ZRANB3: variants seen among roughly 807,000 people sequenced by gnomAD.
ZRANB3 encodes zinc finger RANBP2-type containing 3.
In ZRANB3, 125 loss-of-function variants were observed where a neutral mutation model predicts 133.8. The observed-to-expected ratio is 0.93, with a 90% CI of 0.81 to 1.08. ZRANB3 has a LOEUF of 1.08. ZRANB3 is among the 50% of genes least tolerant of loss of function. The probability of loss-of-function intolerance (pLI) is 0.00; values close to 1 mark genes in which losing one functional copy is unlikely to be tolerated. For missense variants in ZRANB3, 1,229 were observed against 1,275.5 expected, an observed-to-expected ratio of 0.96 and a Z score of 0.56; for synonymous variants, 387 against 432.7, an observed-to-expected ratio of 0.89 and a Z score of 1.31.
At chr2:135,332,663 A>C (rs1684201678) in intron 6 of ZRANB3, among the ~76,000 whole-genome samples, 1 of 152,104 alleles carries the variant, frequency 6.6e-6, no homozygotes. Context: ...CTATGGTTAC[A>C]ACCAGGTCCT....
intron 2 of ZRANB3, among the ~76,000 whole-genome samples, chr2:135,442,649 G>C (rs1458038660): frequency 2.0e-5 from 3 of 152,134 alleles, no homozygotes; most frequent in Non-Finnish European, 4.4e-5. Context: ...GATTCCTCAA[G>C]GATCTAGAAC....
At chr2:135,435,773 C>T (rs1281722902) in intron 2 of ZRANB3, among the ~76,000 whole-genome samples, 2 of 152,072 alleles carry the variant, frequency 1.3e-5, no homozygotes, top group African/African-American at 4.8e-5. Flanking sequence ...GCTTGTTGGC[C>T]GTACGTATGT....
At chr2:135,457,577 A>G (rs1690585658) in intron 2 of ZRANB3, among the ~76,000 whole-genome samples, 1 of 152,006 alleles carries the variant, frequency 6.6e-6, no homozygotes, top group African/African-American at 2.4e-5. Flanking sequence ...ATGAATGTCT[A>G]TTCATATTTT....
Position 135,198,899 on chromosome 2 carries a change from C to T in ZRANB3, c.*1443G>A, listed in dbSNP as rs1416027464. On this transcript the variant is annotated 3_prime_UTR_variant, in exon 21 of 21. Transcript: ENST00000264159. The stretch of plus-strand genomic sequence containing the variant: ...AAAACAAGTCCTTTATGTTGTAAAA[C>T]ACTAGCTATTAATTAACGTGGGAAA... 1.3e-5 allele frequency: 2 copies of T among 152,186 alleles called. No individual in the cohort carries two copies. Among genetic ancestry groups the T allele is most frequent in the Non-Finnish European group, 2.9e-5 (2 of 68,032 alleles). The allele number at this position is 152,186 out of a possible 1,614,324, so 9.4% of individuals were successfully genotyped here.
intron 3 of ZRANB3, among the ~76,000 whole-genome samples, chr2:135,384,436 T>G (rs1178618815): frequency 6.6e-6 from 1 of 152,176 alleles, no homozygotes; most frequent in African/African-American, 2.4e-5. Flanking sequence ...CTGGTACCAT[T>G]CCTTCTGAAA....
rs543794545 is a variant in ZRANB3, at chr2:135,430,623, A to C, written c.162-39803T>G. Among the ~76,000 whole-genome samples, 124 of 152,278 alleles carry C rather than the reference A, an allele frequency of 8.1e-4. 1 individual carries two copies. The highest frequency in any genetic ancestry group is 2.6e-3 in the African/African-American group (110 of 41,550). On this transcript the variant is annotated intron_variant, in intron 2 of 20. Coordinates refer to ENST00000264159, the MANE Select transcript of ZRANB3 (RefSeq NM_032143.4). ...TTACAGATAGAAATATTTCAGCTCT[A>C]AGTAGAGTTTTCTCAATATAAGACT...
chr2:135,463,577 C>T (rs1262057516), intron 2 of ZRANB3, among the ~76,000 whole-genome samples: 1 of 152,016 alleles, frequency 6.6e-6, no homozygotes, highest in Non-Finnish European at 1.5e-5. Flanking sequence ...GCCACCACGC[C>T]CGGCTAATTT....
At chr2:135,246,742 G>A (rs1695819423) in intron 12 of ZRANB3, among the ~76,000 whole-genome samples, 2 of 152,136 alleles carry the variant, frequency 1.3e-5, no homozygotes, top group African/African-American at 4.8e-5. Context: ...GTTCAATATT[G>A]TTTTTGAAAA....
intron 3 of ZRANB3, among the ~76,000 whole-genome samples, chr2:135,387,539 T>C (rs553280848): frequency 6.6e-6 from 1 of 152,244 alleles, no homozygotes; most frequent in Non-Finnish European, 1.5e-5. Flanking sequence ...ACGTCTTGTA[T>C]GTCATTCTGT....
chr2:135,299,761 T>C (rs921538221), intron 8 of ZRANB3, among the ~76,000 whole-genome samples: 11 of 152,228 alleles, frequency 7.2e-5, no homozygotes, highest in Non-Finnish European at 1.0e-4. Flanking sequence ...TAAATGTTTA[T>C]ATAGCACATA....
chr2:135,399,928 A>C (rs1687663065), intron 2 of ZRANB3, among the ~76,000 whole-genome samples: 1 of 152,088 alleles, frequency 6.6e-6, no homozygotes, highest in Non-Finnish European at 1.5e-5. Flanking sequence ...TGAACTTAGG[A>C]CTTTGAATTT....
chr2:135,346,962 C>A (rs1265355019), intron 5 of ZRANB3, among the ~76,000 whole-genome samples: 4 of 152,168 alleles, frequency 2.6e-5, no homozygotes, highest in Non-Finnish European at 5.9e-5. Context: ...CTCTTCCAAT[C>A]CTGCCAACTA....
intron 2 of ZRANB3, among the ~76,000 whole-genome samples, chr2:135,478,148 T>C (rs943800158): frequency 6.6e-6 from 1 of 152,166 alleles, no homozygotes; most frequent in African/African-American, 2.4e-5. Context: ...ATAGTGTCTA[T>C]GCTTAAAAAT....
In ZRANB3 at chr2:135,313,608, A is replaced by C. The variant is rs1258845324; in HGVS notation, c.850-3T>G. 3 of 1,592,784 alleles carry C rather than the reference A, an allele frequency of 1.9e-6. No individual in the cohort carries two copies. Among genetic ancestry groups the C allele is most frequent in the Non-Finnish European group, 2.6e-6 (3 of 1,162,066 alleles). On this transcript the variant is annotated splice_region_variant and splice_polypyrimidine_tract_variant and intron_variant, in intron 7 of 20. Transcript: ENST00000264159. ...TCTTCAAAGCTGGTATTCAATTCCT[A>C]TGTGGGAAAAAATAACACTGTTTAT... is the stretch of plus-strand genomic sequence containing the variant.
At chr2:135,370,221 T>C (rs1686114196) in intron 3 of ZRANB3, among the ~76,000 whole-genome samples, 1 of 151,862 alleles carries the variant, frequency 6.6e-6, no homozygotes. Context: ...ACAGGTAGTG[T>C]TTGGTTATAT....
chr2:135,408,995 C>T (rs550008181), intron 2 of ZRANB3, among the ~76,000 whole-genome samples: 4 of 151,878 alleles, frequency 2.6e-5, no homozygotes, highest in Admixed American at 1.3e-4. Flanking sequence ...AAAGAAATGC[C>T]TGAGGCTCAG....
intron 2 of ZRANB3, among the ~76,000 whole-genome samples, chr2:135,502,370 T>A (rs576838770): frequency 3.3e-5 from 5 of 152,344 alleles, no homozygotes; most frequent in Non-Finnish European, 7.4e-5. Context: ...CATATTTTGT[T>A]AGGACTGGTT....
At chr2:135,255,579 TG>T (rs1379076968) in intron 12 of ZRANB3, among the ~76,000 whole-genome samples, 2 of 152,202 alleles carry the variant, frequency 1.3e-5, no homozygotes, top group Non-Finnish European at 2.9e-5. Flanking sequence ...CCAGGTGCAG[TG>T]GCTAACGCCT....
chr2:135,480,633 C>CT (rs768510662), intron 2 of ZRANB3, among the ~76,000 whole-genome samples: 2 of 151,474 alleles, frequency 1.3e-5, no homozygotes, highest in Non-Finnish European at 2.9e-5. Flanking sequence ...TATTATTATA[C>CT]TTTAAGTTTT....
Sources: allele counts gnomAD v4.1 joint callset (sites outside exome capture counted in the v4.1 genomes callset), GRCh38; gene constraint gnomAD v4.1.1; transcripts MANE v1.5; gene names NCBI Gene and HGNC (gene_info 2026-07-23, HGNC 2026-07-21).